Variants in PLD5 observed in about 807,000 individuals in gnomAD.
PLD5 encodes the protein phospholipase D family member 5, also known as inactive phospholipase D5.
PLD5 carries 36 observed loss-of-function variants against 61.1 expected under a neutral mutation model. That is an observed-to-expected ratio of 0.59 (90% CI 0.45 to 0.78). The LOEUF (loss-of-function observed/expected upper bound fraction) is 0.78. Ranked by LOEUF, PLD5 falls within the 30% of genes least tolerant of loss-of-function variation. PLD5 has a pLI of 0.00. For synonymous variants in PLD5, 243 were observed against 242.8 expected (o/e 1.00, Z -0.01); for missense variants, 515 against 644.4 (o/e 0.80, Z 2.17).
In PLD5 at chr1:242,374,080, G is replaced by A. The variant is rs140621044; in HGVS notation, c.190-25838C>T. Among the ~76,000 whole-genome samples the A allele has an allele frequency of 6.6e-4, 101 of 152,124 alleles. 1 individual carries two copies. The highest frequency in any genetic ancestry group is 1.2e-3 in the South Asian group (6 of 4,802). On this transcript the variant is annotated intron_variant, in intron 1 of 9. Coordinates refer to ENST00000536534, the MANE Select transcript of PLD5 (RefSeq NM_001372062.1). ...TACAAGGAGAGTGCAGGTTTACTAC[G>A]GTCACAAGGTGAAAGAAAGGTCTGT...
At chr1:242,272,774 T>A (rs963290642) in intron 3 of PLD5, among the ~76,000 whole-genome samples, 6 of 152,140 alleles carry the variant, frequency 3.9e-5, no homozygotes, top group Admixed American at 1.3e-4. Context: ...TAACCATAAA[T>A]ACCTTCAGTA....
chr1:242,417,805 G>A (rs1159966557), intron 1 of PLD5, among the ~76,000 whole-genome samples: 1 of 152,158 alleles, frequency 6.6e-6, no homozygotes. Flanking sequence ...GAGCAAGGAG[G>A]GAGGTGATAT....
chr1:242,462,640 G>A (rs142477094), intron 1 of PLD5, among the ~76,000 whole-genome samples: 59 of 151,556 alleles, frequency 3.9e-4, no homozygotes, highest in African/African-American at 1.3e-3. Context: ...GAAGAAAAAT[G>A]ACTCTCCCCT....
intron 1 of PLD5, among the ~76,000 whole-genome samples, chr1:242,368,743 G>A (rs192197856): frequency 2.6e-4 from 40 of 152,310 alleles, no homozygotes; most frequent in Non-Finnish European, 4.4e-4. Context: ...ATGCCTGGCC[G>A]CCAGGTAGGA....
At position 242,163,146 on chromosome 1, in the gene PLD5, T is replaced by C. The variant is rs1381562690; in HGVS notation, c.736-38481A>G. The stretch of plus-strand genomic sequence containing the variant: ...TCAAGTCTTTTATTTTCTTTTCTTT[T>C]CTTTCTTTTCTTGAGACGACGGAGT... On this transcript the variant is annotated intron_variant, in intron 5 of 9. Coordinates refer to ENST00000536534, the MANE Select transcript of PLD5 (RefSeq NM_001372062.1). Among the ~76,000 whole-genome samples, 4 of 137,104 alleles carry C rather than the reference T, an allele frequency of 2.9e-5. No homozygotes were observed. In the East Asian group the frequency reaches 6.4e-4, roughly 22 times the overall value. The allele number at this position is 137,104 out of a possible 152,430, so 89.9% of individuals were successfully genotyped here. A position where few individuals can be genotyped will look rare whatever the true frequency, so the allele number is the denominator to read the frequency against.
At chr1:242,519,380 G>T (rs984342863) in intron 1 of PLD5, among the ~76,000 whole-genome samples, 1 of 152,126 alleles carries the variant, frequency 6.6e-6, no homozygotes, top group Non-Finnish European at 1.5e-5. Flanking sequence ...TGTTTAAGTA[G>T]GTGCAAATTC....
intron 5 of PLD5, among the ~76,000 whole-genome samples, chr1:242,140,280 G>A (rs1664063761): frequency 1.3e-5 from 2 of 152,172 alleles, no homozygotes; most frequent in Admixed American, 6.5e-5. Flanking sequence ...ACAAGTTTTT[G>A]CAAGAAAGTC....
intron 5 of PLD5, among the ~76,000 whole-genome samples, chr1:242,192,467 C>T (rs1315279274): frequency 1.3e-5 from 2 of 152,134 alleles, no homozygotes; most frequent in African/African-American, 4.8e-5. Flanking sequence ...TAATTTAAAC[C>T]CTTCATTGCA....
intron 1 of PLD5, among the ~76,000 whole-genome samples, chr1:242,505,223 G>A (rs1280386903): frequency 6.6e-6 from 1 of 152,134 alleles, no homozygotes; most frequent in Non-Finnish European, 1.5e-5. Context: ...GTGGTTTGAA[G>A]CTGTTCCCCC....
intron 1 of PLD5, among the ~76,000 whole-genome samples, chr1:242,379,631 C>CT (rs1662169709): frequency 6.6e-6 from 1 of 151,738 alleles, no homozygotes; most frequent in Non-Finnish European, 1.5e-5. Flanking sequence ...AAAAAAAAAA[C>CT]TTTGAGTTTT....
chr1:242,174,315 C>T (rs1666972047), intron 5 of PLD5, among the ~76,000 whole-genome samples: 1 of 152,046 alleles, frequency 6.6e-6, no homozygotes, highest in African/African-American at 2.4e-5. Context: ...TCATCACTGG[C>T]CATCAGAGAA....
intron 1 of PLD5, among the ~76,000 whole-genome samples, chr1:242,447,642 T>A (rs1380334415): frequency 6.6e-6 from 1 of 152,212 alleles, no homozygotes; most frequent in Non-Finnish European, 1.5e-5. Flanking sequence ...CAGTACTTAA[T>A]GAAAATAACC....
chr1:242,415,587 A>G (rs1290027245), intron 1 of PLD5, among the ~76,000 whole-genome samples: 1 of 146,854 alleles, frequency 6.8e-6, no homozygotes, highest in Admixed American at 7.0e-5. Flanking sequence ...ATCTCGGTTC[A>G]CTGCAAGCTC....
chr1:242,179,509 A>C (rs1052378191), intron 5 of PLD5, among the ~76,000 whole-genome samples: 11 of 152,098 alleles, frequency 7.2e-5, no homozygotes, highest in African/African-American at 2.7e-4. Flanking sequence ...GAAGATATTC[A>C]ATGCTGTGTT....
rs777496493 is a variant in PLD5, at chr1:242,324,856, C to CAGTGA, written c.326+23249_326+23250insTCACT. Among the ~76,000 whole-genome samples the CAGTGA allele has an allele frequency of 6.4e-4, 98 of 152,294 alleles. No individual in the cohort carries two copies. The Middle Eastern group carries it at 0.014, about 21-fold the overall frequency. On this transcript the variant is annotated intron_variant, in intron 2 of 9. Transcript: ENST00000536534. ...TGTGGCCACCACCCAGGAACTGACTCAGCCCAAGAGGACAGCTTCAACTCC... is the reference window on the plus strand; with the variant it reads ...TGTGGCCACCACCCAGGAACTGACTCAGTGAAGCCCAAGAGGACAGCTTCAACTCC...
chr1:242,472,183 C>A (rs1336424288), intron 1 of PLD5, among the ~76,000 whole-genome samples: 1 of 152,334 alleles, frequency 6.6e-6, no homozygotes, highest in East Asian at 1.9e-4. Flanking sequence ...ATGGAGTCTG[C>A]ACTCATTTCC....
chr1:242,329,497 G>A (rs1426195161), intron 2 of PLD5, among the ~76,000 whole-genome samples: 1 of 151,968 alleles, frequency 6.6e-6, no homozygotes, highest in Non-Finnish European at 1.5e-5. Context: ...CCAGCTTCTG[G>A]TCATCTCCAC....
intron 1 of PLD5, among the ~76,000 whole-genome samples, chr1:242,412,118 T>C (rs964452347): frequency 5.3e-5 from 8 of 152,190 alleles, no homozygotes; most frequent in Non-Finnish European, 1.0e-4. Context: ...ATCCTGTCTT[T>C]ATTCTCTACT....
chr1:242,402,526 CTAA>C (rs1424505436), intron 1 of PLD5, among the ~76,000 whole-genome samples: 1 of 152,148 alleles, frequency 6.6e-6, no homozygotes, highest in East Asian at 1.9e-4. Context: ...ACAATATTTA[CTAA>C]TTCATCAGAA....
Sources: allele counts gnomAD v4.1 joint callset (sites outside exome capture counted in the v4.1 genomes callset), GRCh38; gene constraint gnomAD v4.1.1; transcripts MANE v1.5; gene names NCBI Gene and HGNC (gene_info 2026-07-23, HGNC 2026-07-21).